NT5M: variants seen among roughly 807,000 people sequenced by gnomAD.
The protein encoded by NT5M is 5',3'-nucleotidase, mitochondrial.
Under a neutral mutation model 22.2 loss-of-function variants are expected in NT5M, and 22 were observed. The ratio of observed to expected loss-of-function variants is 0.99; its 90% CI spans 0.71 to 1.41. The LOEUF is 1.41. NT5M is among the 40% of genes most tolerant of loss of function. The pLI is 0.00. For missense variants in NT5M, 322 were observed against 314.8 expected, an observed-to-expected ratio of 1.02 and a Z score of -0.17; for synonymous variants, 167 against 133.0, an observed-to-expected ratio of 1.26 and a Z score of -1.76.
rs2048721374 is a variant in NT5M at position 17,303,408 on chromosome 17, G to A, written c.-143G>A. Reference sequence around the variant, plus strand: ...CGGTACTTGCGCGCCCGCACCCCGCGCTCCCCGCCCCGCTCCCCGTCCCGC... The same window carrying A: ...CGGTACTTGCGCGCCCGCACCCCGCACTCCCCGCCCCGCTCCCCGTCCCGC... On this transcript the variant is annotated 5_prime_UTR_variant, in exon 1 of 5. Coordinates refer to ENST00000389022, the MANE Select transcript of NT5M (RefSeq NM_020201.4). The A allele has an allele frequency of 8.3e-6, 8 of 958,340 alleles. No individual in the cohort carries two copies. The highest frequency in any genetic ancestry group is 1.0e-5 in the Non-Finnish European group (8 of 803,170). The allele number at this position is 958,340 out of a possible 1,614,324, so 59.4% of individuals were successfully genotyped here.
chr17:17,305,604 G>A (rs560743086), intron 1 of NT5M, among the ~76,000 whole-genome samples: 14 of 152,166 alleles, frequency 9.2e-5, no homozygotes, highest in African/African-American at 2.6e-4. Context: ...GGCATCCTCC[G>A]GCCGTCCATG....
At chr17:17,314,187 C>G (rs1472727072) in intron 2 of NT5M, among the ~76,000 whole-genome samples, 1 of 152,078 alleles carries the variant, frequency 6.6e-6, no homozygotes, top group Non-Finnish European at 1.5e-5. Flanking sequence ...GCGCCCGCCA[C>G]CACGCCCGGC....
chr17:17,324,513 A>AG (rs2049225856), intron 3 of NT5M, among the ~76,000 whole-genome samples: 1 of 150,432 alleles, frequency 6.6e-6, no homozygotes, highest in Non-Finnish European at 1.5e-5. Flanking sequence ...AAAAAAAAAA[A>AG]AGAAATTCAC....
rs868160808 is a variant in NT5M, at chr17:17,303,595, G to A, written c.45G>A (p.Ala15=). The change falls in exon 1 of 5, where the codon GCG becomes GCA. Residue 15 remains alanine, a synonymous_variant. Transcript: ENST00000389022. ...GGTGTGCGCGGCGGCTCTGCAGCGCGGCGGTTCCCGCGGGGCGGCGCGGGG... is the reference window on the plus strand; with the variant it reads ...GGTGTGCGCGGCGGCTCTGCAGCGCAGCGGTTCCCGCGGGGCGGCGCGGGG... ...GGWCARRLCS[A]AVPAGRRGAA... is the part of the protein sequence containing the mutation. 1.5e-5 allele frequency: 18 copies of A among 1,206,394 alleles called. No individual in the cohort carries two copies. In the African/African-American group the frequency reaches 2.7e-4, roughly 18 times the overall value. The allele number at this position is 1,206,394 out of a possible 1,614,324, so 74.7% of individuals were successfully genotyped here. A position where few individuals can be genotyped will look rare whatever the true frequency, so the allele number is the denominator to read the frequency against.
chr17:17,337,196 A>G (rs1391790977), intron 3 of NT5M, among the ~76,000 whole-genome samples: 1 of 152,142 alleles, frequency 6.6e-6, no homozygotes, highest in Admixed American at 6.6e-5. Context: ...TCTGATGATC[A>G]GCGATATTGA....
chr17:17,347,472 GCAAA>G lies in NT5M; in HGVS notation c.*528_*531del, dbSNP rs2049783810. 6.3e-6 allele frequency: 1 copy of G among 159,198 alleles called. No homozygotes were observed. Among genetic ancestry groups the G allele is most frequent in the Non-Finnish European group, 1.4e-5 (1 of 72,638 alleles). The allele number at this position is 159,198 out of a possible 1,614,324, so 9.9% of individuals were successfully genotyped here. A position where few individuals can be genotyped will look rare whatever the true frequency, so the allele number is the denominator to read the frequency against. On this transcript the variant is annotated 3_prime_UTR_variant, in exon 5 of 5. Coordinates refer to ENST00000389022, the MANE Select transcript of NT5M (RefSeq NM_020201.4). Reference sequence around the variant, plus strand: ...CCCCACATGACCTTCTGTGTATTCAGCAAACACTCACTAGGTGACAGCGGCCACC... The same window carrying G: ...CCCCACATGACCTTCTGTGTATTCAGCACTCACTAGGTGACAGCGGCCACC...
In NT5M at chr17:17,344,863, G is replaced by A. The variant is rs755261053; in HGVS notation, c.499G>A (p.Val167Met). The A allele has an allele frequency of 1.1e-5, 17 of 1,614,048 alleles. No homozygotes were observed. Among genetic ancestry groups the A allele is most frequent in the Admixed American group, 1.0e-4 (6 of 60,004 alleles). The change falls in exon 4 of 5, where the codon GTG becomes ATG. Residue 167 changes from valine to methionine, a missense_variant. Val to Met is a conservative substitution (Grantham distance 21, BLOSUM62 1). Coordinates refer to ENST00000389022, the MANE Select transcript of NT5M (RefSeq NM_020201.4). ...EQIVLTRDKTVVSADLLIDDR... is the reference protein window; with the variant it reads ...EQIVLTRDKTMVSADLLIDDR... Reference sequence around the variant, plus strand: ...GATTGTGCTGACCAGAGACAAGACCGTGGTCTCTGCTGACCTTCTCATAGA... The same window carrying A: ...GATTGTGCTGACCAGAGACAAGACCATGGTCTCTGCTGACCTTCTCATAGA...
intron 1 of NT5M, among the ~76,000 whole-genome samples, chr17:17,304,193 TC>T (rs1192541291): frequency 1.3e-5 from 2 of 152,038 alleles, no homozygotes; most frequent in Non-Finnish European, 2.9e-5. Flanking sequence ...CACTTCTTTG[TC>T]CCCAGGACTT....
At chr17:17,344,179 G>A (rs572296479) in intron 3 of NT5M, among the ~76,000 whole-genome samples, 256 of 152,254 alleles carry the variant, frequency 1.7e-3, no homozygotes, top group African/African-American at 5.8e-3. Context: ...CCCCATGTCC[G>A]TTAGCACCTG....
chr17:17,318,785 CAA>C (rs61422345), intron 2 of NT5M, among the ~76,000 whole-genome samples: 711 of 40,170 alleles, frequency 0.018, 4 homozygotes, highest in African/African-American at 0.065. Flanking sequence ...AACTCCGTCT[CAA>C]AAAAAAAAAA....
intron 1 of NT5M, 160 bp downstream of exon 1, chr17:17,303,977 A>C: frequency 8.0e-7 from 1 of 1,248,780 alleles, no homozygotes; most frequent in Non-Finnish European, 1.0e-6. Flanking sequence ...GCGCACCGGG[A>C]AGATGCGGCC....
At position 17,344,907 on chromosome 17, in the gene NT5M, A is replaced by T; in HGVS notation, c.543A>T (p.Thr181=). 6.2e-7 allele frequency: 1 copy of T among 1,614,136 alleles called. No homozygotes were observed. The highest frequency in any genetic ancestry group is 8.5e-7 in the Non-Finnish European group (1 of 1,179,994). Residue 181 remains threonine (T), a splice_region_variant and synonymous_variant, in exon 4 of 5, where the codon ACA becomes ACT. Coordinates refer to ENST00000389022, the MANE Select transcript of NT5M (RefSeq NM_020201.4). ...DLLIDDRPDI[T]GAEPTPSWEH... is the part of the protein sequence containing the mutation. ...TCATAGACGACCGGCCGGACATCACAGGCAAGTGGCCTGCGACAGGTGAGG... is the reference window on the plus strand; with the variant it reads ...TCATAGACGACCGGCCGGACATCACTGGCAAGTGGCCTGCGACAGGTGAGG...
Sources: allele counts gnomAD v4.1 joint callset (sites outside exome capture counted in the v4.1 genomes callset), GRCh38; gene constraint gnomAD v4.1.1; transcripts MANE v1.5; gene names NCBI Gene and HGNC (gene_info 2026-07-23, HGNC 2026-07-21).